LINGO2: variants seen among roughly 807,000 people sequenced by gnomAD.
The protein encoded by LINGO2 is leucine-rich repeat and immunoglobulin-like domain-containing nogo receptor-interacting protein 2.
A neutral mutation model predicts 30.6 loss-of-function variants in LINGO2; 14 were observed. The observed-to-expected ratio is 0.46, with a 90% CI of 0.30 to 0.72. The LOEUF (loss-of-function observed/expected upper bound fraction) is 0.72, where lower values mean the gene tolerates loss of function less well. Ranked by LOEUF, LINGO2 falls within the 30% of genes least tolerant of loss-of-function variation. The pLI is 0.07. For missense variants in LINGO2, 729 were observed against 751.7 expected (o/e 0.97, Z 0.35); for synonymous variants, 317 against 288.5 (o/e 1.10, Z -1.00).
chr9:28,312,723 T>G (rs753935092), intron 3 of LINGO2, among the ~76,000 whole-genome samples: 83 of 152,306 alleles, frequency 5.4e-4, no homozygotes, highest in Non-Finnish European at 1.0e-3. Context: ...AATAGTTTTA[T>G]TAGCATATGC....
the LINGO2 span, among the ~76,000 whole-genome samples, chr9:28,871,478 A>G: frequency 6.6e-6 from 1 of 151,856 alleles, no homozygotes; most frequent in African/African-American, 2.4e-5. Flanking sequence ...TTTACTTCAT[A>G]TACTCTGTGT....
intron 1 of LINGO2, among the ~76,000 whole-genome samples, chr9:28,501,610 A>T (rs2135317199): frequency 6.6e-6 from 1 of 152,254 alleles, no homozygotes; most frequent in South Asian, 2.1e-4. Flanking sequence ...GAGACTCTCA[A>T]TTTGGGGAAG....
At chr9:28,590,871 T>C (rs965894237) in intron 1 of LINGO2, among the ~76,000 whole-genome samples, 7 of 151,996 alleles carry the variant, frequency 4.6e-5, no homozygotes, top group East Asian at 3.9e-4. Context: ...ATGTTTATTG[T>C]GGCACTATTC....
the LINGO2 span, among the ~76,000 whole-genome samples, chr9:28,684,597 C>T: frequency 6.6e-6 from 1 of 151,332 alleles, no homozygotes; most frequent in African/African-American, 2.4e-5. Flanking sequence ...TGATTCTCTG[C>T]AACCTCCACC....
intron 1 of LINGO2, among the ~76,000 whole-genome samples, chr9:28,654,217 G>A (rs1299046557): frequency 6.6e-6 from 1 of 152,058 alleles, no homozygotes; most frequent in Non-Finnish European, 1.5e-5. Flanking sequence ...CAAGAGAAAA[G>A]CTTTGAACTA....
At chr9:29,185,894 C>CA in the LINGO2 span, among the ~76,000 whole-genome samples, 1 of 152,002 alleles carries the variant, frequency 6.6e-6, no homozygotes, top group Admixed American at 6.6e-5. Context: ...GAAAGTAATC[C>CA]AAAAAAGACC....
intron 1 of LINGO2, among the ~76,000 whole-genome samples, chr9:28,506,018 C>T (rs557055895): frequency 9.9e-5 from 15 of 151,922 alleles, no homozygotes; most frequent in African/African-American, 2.9e-4. Flanking sequence ...AATAGTTGTA[C>T]TGACCCGTGG....
chr9:28,980,485 C>T, the LINGO2 span, among the ~76,000 whole-genome samples: 2 of 152,226 alleles, frequency 1.3e-5, no homozygotes, highest in Admixed American at 6.5e-5. Flanking sequence ...ACACCTTCCA[C>T]GACGTCTCTG....
intron 1 of LINGO2, among the ~76,000 whole-genome samples, chr9:28,668,665 A>T (rs936191734): frequency 2.2e-4 from 34 of 152,240 alleles, no homozygotes; most frequent in African/African-American, 7.7e-4. Flanking sequence ...CAGGAAAAAA[A>T]GGTTTTAATT....
the LINGO2 span, among the ~76,000 whole-genome samples, chr9:29,085,311 A>AAAT: frequency 1.5e-5 from 2 of 130,218 alleles, no homozygotes; most frequent in African/African-American, 6.0e-5. Flanking sequence ...AAAAAAAAAA[A>AAAT]GAATAAATTA....
chr9:28,661,802 C>CTG (rs75625015), intron 1 of LINGO2, among the ~76,000 whole-genome samples: 11 of 152,116 alleles, frequency 7.2e-5, no homozygotes, highest in African/African-American at 2.4e-4. Context: ...GGTTAGGAAA[C>CTG]AGATGAGCTG....
At chr9:28,332,657 A>C (rs1003113168) in intron 3 of LINGO2, among the ~76,000 whole-genome samples, 2 of 152,090 alleles carry the variant, frequency 1.3e-5, no homozygotes, top group African/African-American at 4.8e-5. Context: ...ATGGGCTCTT[A>C]TAAGAATCTG....
the LINGO2 span, among the ~76,000 whole-genome samples, chr9:29,150,454 A>G: frequency 7.9e-5 from 12 of 152,314 alleles, no homozygotes; most frequent in South Asian, 2.5e-3. Context: ...TACATTGAAT[A>G]CATAATCTAG....
intron 2 of LINGO2, among the ~76,000 whole-genome samples, chr9:28,391,793 T>C (rs1821845215): frequency 6.6e-6 from 1 of 152,214 alleles, no homozygotes; most frequent in South Asian, 2.1e-4. Flanking sequence ...AATTTATTTA[T>C]ACAACATTAT....
the LINGO2 span, among the ~76,000 whole-genome samples, chr9:28,704,619 T>C: frequency 6.6e-6 from 1 of 152,052 alleles, no homozygotes; most frequent in African/African-American, 2.4e-5. Context: ...TTTCAGTCCT[T>C]TCAGTTTTGG....
the LINGO2 span, among the ~76,000 whole-genome samples, chr9:28,969,822 A>G: frequency 6.6e-6 from 1 of 152,186 alleles, no homozygotes; most frequent in Non-Finnish European, 1.5e-5. Flanking sequence ...AAATGAAATG[A>G]AGCAGACAGT....
chr9:29,108,540 T>C, the LINGO2 span, among the ~76,000 whole-genome samples: 1 of 152,170 alleles, frequency 6.6e-6, no homozygotes, highest in African/African-American at 2.4e-5. Context: ...TAAAAGCTTA[T>C]TTCTATTTGG....
At chr9:28,780,595 C>T in the LINGO2 span, among the ~76,000 whole-genome samples, 1 of 152,042 alleles carries the variant, frequency 6.6e-6, no homozygotes, top group East Asian at 1.9e-4. Context: ...CCATCACAGG[C>T]CTACTTGCTT....
chr9:28,268,083 C>A (rs1233672355), intron 4 of LINGO2, among the ~76,000 whole-genome samples: 1 of 152,076 alleles, frequency 6.6e-6, no homozygotes, highest in Non-Finnish European at 1.5e-5. Context: ...TACATCCACA[C>A]AGCCACACAC....
Sources: allele counts gnomAD v4.1 joint callset (sites outside exome capture counted in the v4.1 genomes callset), GRCh38; gene constraint gnomAD v4.1.1; transcripts MANE v1.5; gene names NCBI Gene and HGNC (gene_info 2026-07-23, HGNC 2026-07-21).